The following CD99L2 variants were observed in gnomAD, a reference collection of about 807,000 sequenced individuals.
The protein encoded by CD99L2 is CD99 antigen-like protein 2.
CD99L2 carries 24 observed loss-of-function variants against 27.3 expected under a neutral mutation model. The observed-to-expected ratio is 0.88, with a 90% CI of 0.64 to 1.24. CD99L2 has a LOEUF of 1.24. Ranked by LOEUF, CD99L2 falls within the 50% of genes most tolerant of loss-of-function variation. CD99L2 has a pLI of 0.00. For missense variants in CD99L2, 255 were observed against 221.6 expected, an observed-to-expected ratio of 1.15 and a Z score of -0.96; for synonymous variants, 97 against 87.9, an observed-to-expected ratio of 1.10 and a Z score of -0.58.
chrX:150,864,789 T>A (rs945226784), intron 1 of CD99L2, among the ~76,000 whole-genome samples: 1 of 112,640 alleles, frequency 8.9e-6, no homozygotes, highest in Non-Finnish European at 1.9e-5. Context: ...TAATGACATA[T>A]AAAGAACAGG....
At chrX:150,838,929 G>T (rs1427861290) in intron 1 of CD99L2, among the ~76,000 whole-genome samples, 112 of 76,904 alleles carry the variant, frequency 1.5e-3, no homozygotes, top group African/African-American at 4.9e-3. Context: ...GGGGGGGGGG[G>T]TGTAAATAGG....
At chrX:150,846,871 C>T (rs2046711698) in intron 1 of CD99L2, among the ~76,000 whole-genome samples, 1 of 112,326 alleles carries the variant, frequency 8.9e-6, no homozygotes, top group African/African-American at 3.2e-5. Context: ...ATGGTATTTC[C>T]TTCCCCTGAA....
intron 1 of CD99L2, among the ~76,000 whole-genome samples, chrX:150,859,327 C>T (rs1237429407): frequency 3.6e-5 from 4 of 110,361 alleles, no homozygotes; most frequent in Non-Finnish European, 3.8e-5. Context: ...GGTGAAACCC[C>T]GTCTCTACTA....
At position 150,793,750 on chromosome X, in the gene CD99L2, G is replaced by A; in HGVS notation, c.437C>T (p.Ser146Leu). 6.8e-6 allele frequency: 8 copies of A among 1,182,911 alleles called. No homozygotes were observed. Among genetic ancestry groups the A allele is most frequent in the Non-Finnish European group, 9.1e-6 (8 of 879,701 alleles). Residue 146 changes from serine to leucine, a missense_variant, in exon 7 of 11, where the codon TCA (serine) becomes TTA (leucine). Physicochemically the swap from Ser to Leu is moderately radical, Grantham distance 145. Transcript: ENST00000370377. Reference protein sequence around the residue: ...RKPIAGGGGFSDKDLEDIVGG... With the variant: ...RKPIAGGGGFLDKDLEDIVGG... ...TACTATGTCTTCAAGATCCTTGTCT[G>A]AAAAACCTGGAGAAAATAAAACATA... is the stretch of plus-strand genomic sequence containing the variant.
intron 1 of CD99L2, among the ~76,000 whole-genome samples, chrX:150,898,280 T>C (rs1310313009): frequency 8.9e-6 from 1 of 112,052 alleles, no homozygotes; most frequent in Non-Finnish European, 1.9e-5. Flanking sequence ...CATCCCGCTG[T>C]TTCCAGCCCA....
intron 1 of CD99L2, among the ~76,000 whole-genome samples, chrX:150,882,249 G>A (rs1409555665): frequency 1.8e-5 from 2 of 111,708 alleles, no homozygotes; most frequent in Non-Finnish European, 3.8e-5. Flanking sequence ...CCATGTGTAC[G>A]TGTAATAAGA....
At chrX:150,870,330 G>A (rs1557422156) in intron 1 of CD99L2, among the ~76,000 whole-genome samples, 1 of 111,590 alleles carries the variant, frequency 9.0e-6, no homozygotes, top group African/African-American at 3.3e-5. Flanking sequence ...AAAGACAGGC[G>A]GACGAATTAC....
chrX:150,845,818 T>G (rs1787861390), intron 1 of CD99L2, among the ~76,000 whole-genome samples: 1 of 112,594 alleles, frequency 8.9e-6, no homozygotes, highest in Non-Finnish European at 1.9e-5. Context: ...GTCACAAGGC[T>G]TAGGGTCCCA....
At chrX:150,797,782 C>T (rs782114626) in intron 4 of CD99L2, among the ~76,000 whole-genome samples, 3 of 110,857 alleles carry the variant, frequency 2.7e-5, no homozygotes, top group South Asian at 3.9e-4. Context: ...CAGTGGCTCA[C>T]GCCTGTTATC....
intron 1 of CD99L2, among the ~76,000 whole-genome samples, chrX:150,871,180 A>T (rs1183053447): frequency 9.8e-5 from 11 of 112,171 alleles, no homozygotes; most frequent in Non-Finnish European, 2.1e-4. Flanking sequence ...AAAATGCAGA[A>T]AGGAGGAAAA....
intron 7 of CD99L2, among the ~76,000 whole-genome samples, chrX:150,778,872 C>T (rs181425534): frequency 6.1e-4 from 67 of 109,033 alleles, no homozygotes; most frequent in Non-Finnish European, 1.1e-3. Flanking sequence ...AAAAAATACA[C>T]ACATACAATC....
chrX:150,799,014 G>A lies in CD99L2; in HGVS notation c.278-3528C>T, dbSNP rs1477841144. On this transcript the variant is annotated intron_variant, in intron 4 of 10. Coordinates refer to ENST00000370377, the MANE Select transcript of CD99L2 (RefSeq NM_031462.4). ...CATCCACTTGCCTTGGCATCCCAAA[G>A]TGCTGGGATTATAGGCATGTGCACC... Among the ~76,000 whole-genome samples, 3 of 112,523 alleles carry A rather than the reference G, an allele frequency of 2.7e-5. No individual in the cohort carries two copies. The Admixed American group carries it at 2.8e-4, about 11-fold the overall frequency.
Position 150,767,154 on chromosome X carries a change from G to C in CD99L2, c.*1880C>G, listed in dbSNP as rs1198926699. The stretch of plus-strand genomic sequence containing the variant: ...ATCCTCCATAGCCACCTCCGGCCCA[G>C]CACCAGCCAGAGGGTGGGGCCATCG... On this transcript the variant is annotated 3_prime_UTR_variant, in exon 11 of 11. Transcript: ENST00000370377. The C allele has an allele frequency of 8.9e-6, 1 of 112,017 alleles. No individual in the cohort carries two copies. The highest frequency in any genetic ancestry group is 1.9e-5 in the Non-Finnish European group (1 of 53,220). The allele number at this position is 112,017 out of a possible 1,213,427, so 9.2% of individuals were successfully genotyped here.
In CD99L2 at chrX:150,769,674, TGCCTGCGCCACCAG is replaced by T. The variant is rs1313473076; in HGVS notation, c.722-587_722-574del. 1.8e-3 allele frequency among the ~76,000 whole-genome samples: 179 copies of T among 97,026 alleles called. 2 individuals are homozygous for T. The highest frequency in any genetic ancestry group is 0.011 in the East Asian group (36 of 3,264). The allele number at this position is 97,026 out of a possible 115,157, so 84.3% of individuals were successfully genotyped here. A position where few individuals can be genotyped will look rare whatever the true frequency, so the allele number is the denominator to read the frequency against. ...CTCGCCTGAGCTGTCCTAGTCTCCC[TGCCTGCGCCACCAG>T]GCCTCGGCTGCTCCCCGACCCCAGC... On this transcript the variant is annotated intron_variant, in intron 10 of 10. Transcript: ENST00000370377.
intron 9 of CD99L2, among the ~76,000 whole-genome samples, chrX:150,775,819 G>C (rs1557419237): frequency 8.9e-6 from 1 of 112,171 alleles, no homozygotes; most frequent in Non-Finnish European, 1.9e-5. Flanking sequence ...TCATCCGCTT[G>C]GCTGAGGTCT....
intron 1 of CD99L2, among the ~76,000 whole-genome samples, chrX:150,881,870 T>C (rs1200371685): frequency 8.7e-5 from 9 of 103,393 alleles, no homozygotes; most frequent in Non-Finnish European, 1.8e-4. Context: ...CAGGCTGGAG[T>C]GCAATGGCAT....
chrX:150,782,171 T>C lies in CD99L2; in HGVS notation c.497-4689A>G, dbSNP rs192921689. Among the ~76,000 whole-genome samples the C allele has an allele frequency of 8.3e-3, 936 of 112,528 alleles. 8 individuals carry two copies. The highest frequency in any genetic ancestry group is 0.029 in the African/African-American group (885 of 30,950). On this transcript the variant is annotated intron_variant, in intron 7 of 10. Transcript: ENST00000370377. ...CTCTTCTAATAGACATAGCTAGGGC[T>C]TTTAGATATTTTAGAAATGTATTTT... is the stretch of plus-strand genomic sequence containing the variant.
chrX:150,897,669 A>C, intron 1 of CD99L2, among the ~76,000 whole-genome samples: 1 of 111,710 alleles, frequency 9.0e-6, no homozygotes, highest in Non-Finnish European at 1.9e-5. Flanking sequence ...TCTGATGGGG[A>C]CATAGGATAT....
At chrX:150,817,304 T>C (rs1206233213) in intron 2 of CD99L2, among the ~76,000 whole-genome samples, 2 of 110,756 alleles carry the variant, frequency 1.8e-5, no homozygotes, top group Non-Finnish European at 3.8e-5. Context: ...TTGTATTATA[T>C]AAGTAATTTA....
Sources: gnomAD v4.1 joint callset for allele counts (sites outside exome capture counted in the v4.1 genomes callset) on GRCh38, gnomAD v4.1.1 for gene constraint, MANE v1.5 for transcripts, NCBI Gene and HGNC (gene_info 2026-07-23, HGNC 2026-07-21) for gene names.